Variants in HS3ST2 observed in about 807,000 individuals in gnomAD.
The protein encoded by HS3ST2 is heparan sulfate glucosamine 3-O-sulfotransferase 2.
In HS3ST2, 17 loss-of-function variants were observed where a neutral mutation model predicts 26.3. The ratio of observed to expected loss-of-function variants is 0.65; its 90% CI spans 0.44 to 0.97. The LOEUF is 0.97. HS3ST2 is among the 50% of genes least tolerant of loss of function. The pLI, the probability that HS3ST2 is intolerant of heterozygous loss-of-function variation, is 0.00. For synonymous variants in HS3ST2, 237 were observed against 219.2 expected (o/e 1.08, Z -0.72); for missense variants, 402 against 501.2 (o/e 0.80, Z 1.89).
chr16:22,832,554 G>A lies in HS3ST2; in HGVS notation c.485+17459G>A, dbSNP rs567300900. The stretch of plus-strand genomic sequence containing the variant: ...GAATGATGTTGGGGTCTGAAGTAAC[G>A]GCTGGGAAGATTCCACTGTGGTCTG... On this transcript the variant is annotated intron_variant, in intron 1 of 1. Transcript: ENST00000261374. Among the ~76,000 whole-genome samples the A allele has an allele frequency of 1.9e-4, 29 of 152,034 alleles. 1 individual carries two copies. In the South Asian group the frequency reaches 2.1e-3, roughly 11 times the overall value.
chr16:22,855,667 T>C (rs1278729561), intron 1 of HS3ST2, among the ~76,000 whole-genome samples: 3 of 151,170 alleles, frequency 2.0e-5, no homozygotes, highest in African/African-American at 7.3e-5. Context: ...GCATCAGTTC[T>C]TTCTCTCTGT....
intron 1 of HS3ST2, among the ~76,000 whole-genome samples, chr16:22,911,219 G>A (rs950549477): frequency 7.9e-5 from 12 of 152,198 alleles, no homozygotes; most frequent in African/African-American, 2.7e-4. Flanking sequence ...AAGGATAAAA[G>A]GCTGGAAGGA....
chr16:22,844,859 C>CTT (rs927503503), intron 1 of HS3ST2, among the ~76,000 whole-genome samples: 2 of 145,368 alleles, frequency 1.4e-5, no homozygotes, highest in East Asian at 2.0e-4. Flanking sequence ...TCTTTTCTTT[C>CTT]TTTTTTTTTT....
intron 1 of HS3ST2, among the ~76,000 whole-genome samples, chr16:22,877,660 G>A (rs1173368517): frequency 1.3e-5 from 2 of 152,144 alleles, no homozygotes; most frequent in Non-Finnish European, 2.9e-5. Flanking sequence ...CAAAGTAGTA[G>A]GCAAGCAAAT....
chr16:22,841,786 G>A (rs1901360859), intron 1 of HS3ST2, among the ~76,000 whole-genome samples: 1 of 151,958 alleles, frequency 6.6e-6, no homozygotes, highest in East Asian at 1.9e-4. Flanking sequence ...TGCCTGTAGT[G>A]GTTTTTTTCA....
intron 1 of HS3ST2, chr16:22,833,149 A>G (rs918707920): frequency 2.0e-5 from 9 of 446,798 alleles, no homozygotes; most frequent in Non-Finnish European, 1.3e-5. Flanking sequence ...GACTATGTCT[A>G]TGACAGAGAG....
chr16:22,870,787 C>A (rs1206504771), intron 1 of HS3ST2, among the ~76,000 whole-genome samples: 1 of 152,160 alleles, frequency 6.6e-6, no homozygotes, highest in Non-Finnish European at 1.5e-5. Context: ...TCCCCAGCCA[C>A]CCTTTGCACA....
At chr16:22,914,858 C>G in intron 1 of HS3ST2, 86 bp from the exon 2 acceptor site, 2 of 1,396,932 alleles carry the variant, frequency 1.4e-6, no homozygotes, top group Non-Finnish European at 9.7e-7. Context: ...TGCAACAGGC[C>G]CCTGGGTGGA....
rs749232666 is a variant in HS3ST2 at position 22,915,406 on chromosome 16, A to G, written c.948A>G (p.Lys316=). ...CCAAAGGATTCCCTTGCTTGAAAAA[A>G]ACAGAATCGAGCCTCCTGCCTCGAT... ...NKTKGFPCLK[K]TESSLLPRCL... Residue 316 remains lysine (K), a synonymous_variant, in exon 2 of 2, where the codon AAA becomes AAG. Transcript: ENST00000261374. 1 of 1,614,214 alleles carries G rather than the reference A, an allele frequency of 6.2e-7. No individual in the cohort carries two copies. The highest frequency in any genetic ancestry group is 8.5e-7 in the Non-Finnish European group (1 of 1,180,036).
At chr16:22,894,436 CT>C (rs1210251496) in intron 1 of HS3ST2, among the ~76,000 whole-genome samples, 1 of 152,166 alleles carries the variant, frequency 6.6e-6, no homozygotes, top group African/African-American at 2.4e-5. Flanking sequence ...TTGATTGTGC[CT>C]TTTCCCAAAA....
At chr16:22,815,801 G>A (rs1297515279) in intron 1 of HS3ST2, among the ~76,000 whole-genome samples, 2 of 152,136 alleles carry the variant, frequency 1.3e-5, no homozygotes, top group Non-Finnish European at 2.9e-5. Context: ...CCATCCCAAT[G>A]GGCAGGAAAA....
intron 1 of HS3ST2, among the ~76,000 whole-genome samples, chr16:22,862,039 C>A (rs1451986449): frequency 1.3e-5 from 2 of 152,212 alleles, no homozygotes; most frequent in Admixed American, 6.5e-5. Flanking sequence ...TCTCTGTCCA[C>A]CCCAACTGTG....
At chr16:22,817,911 T>C (rs572559631) in intron 1 of HS3ST2, among the ~76,000 whole-genome samples, 37 of 152,250 alleles carry the variant, frequency 2.4e-4, no homozygotes, top group Admixed American at 2.6e-4. Context: ...TGTGGGTAAA[T>C]GGAGATAAAG....
At chr16:22,837,150 C>T (rs527811956) in intron 1 of HS3ST2, among the ~76,000 whole-genome samples, 2 of 148,288 alleles carry the variant, frequency 1.3e-5, no homozygotes, top group South Asian at 2.2e-4. Context: ...TAAATAGAAA[C>T]GGAGCCTCTA....
At position 22,915,736 on chromosome 16, in the gene HS3ST2, C is replaced by T. The variant is rs8063819; in HGVS notation, c.*174C>T. ...GCTAAAGCCAAGAGACCAGAGAGTC[C>T]CTGCCACTAGTTTTCATCAGTCTGT... is the stretch of plus-strand genomic sequence containing the variant. On this transcript the variant is annotated 3_prime_UTR_variant, in exon 2 of 2. Transcript: ENST00000261374. 86,844 of 664,224 alleles carry T rather than the reference C, an allele frequency of 0.13. 7,119 individuals carry two copies. Among genetic ancestry groups the T allele is most frequent in the African/African-American group, 0.29 (15,669 of 54,826 alleles). The allele number at this position is 664,224 out of a possible 1,614,324, so 41.1% of individuals were successfully genotyped here.
intron 1 of HS3ST2, among the ~76,000 whole-genome samples, chr16:22,913,659 T>A (rs1192917303): frequency 6.6e-6 from 1 of 152,228 alleles, no homozygotes; most frequent in African/African-American, 2.4e-5. Flanking sequence ...TTTGAATATG[T>A]AATAAATGCA....
At chr16:22,856,230 C>A (rs1818051539) in intron 1 of HS3ST2, among the ~76,000 whole-genome samples, 1 of 152,198 alleles carries the variant, frequency 6.6e-6, no homozygotes, top group Non-Finnish European at 1.5e-5. Context: ...CAAGTTACAT[C>A]ATAGACACTA....
chr16:22,895,808 T>G (rs1902202454), intron 1 of HS3ST2, among the ~76,000 whole-genome samples: 1 of 152,266 alleles, frequency 6.6e-6, no homozygotes, highest in South Asian at 2.1e-4. Flanking sequence ...GTATGTATCC[T>G]GTTTATAATA....
intron 1 of HS3ST2, among the ~76,000 whole-genome samples, chr16:22,825,469 G>A (rs1236936993): frequency 6.6e-6 from 1 of 152,182 alleles, no homozygotes; most frequent in East Asian, 1.9e-4. Context: ...TTGCACACAA[G>A]TCAGATGAGA....
Sources: allele counts gnomAD v4.1 joint callset (sites outside exome capture counted in the v4.1 genomes callset), GRCh38; gene constraint gnomAD v4.1.1; transcripts MANE v1.5; gene names NCBI Gene and HGNC (gene_info 2026-07-23, HGNC 2026-07-21).